The following MBNL1 variants were observed in gnomAD, a reference collection of about 807,000 sequenced individuals.
MBNL1 encodes the protein muscleblind-like protein 1.
A neutral mutation model predicts 42.2 loss-of-function variants in MBNL1; 8 were observed. That is an observed-to-expected ratio of 0.19 (90% confidence interval 0.11 to 0.34). The LOEUF (loss-of-function observed/expected upper bound fraction) is 0.34. Among genes scored for constraint, MBNL1 ranks in the 10% least tolerant of loss-of-function variants. MBNL1 has a pLI of 1.00. For missense variants in MBNL1, 309 were observed against 495.3 expected (o/e 0.62, Z 3.57); for synonymous variants, 169 against 173.9 (o/e 0.97, Z 0.22).
chr3:152,412,365 G>T (rs2098601398), intron 2 of MBNL1, among the ~76,000 whole-genome samples: 1 of 152,072 alleles, frequency 6.6e-6, no homozygotes, highest in Admixed American at 6.5e-5. Context: ...CACCTGGAAT[G>T]CTTGTTAAAA....
chr3:152,354,520 T>G (rs2095362669), intron 2 of MBNL1, among the ~76,000 whole-genome samples: 2 of 152,122 alleles, frequency 1.3e-5, no homozygotes, highest in African/African-American at 2.4e-5. Flanking sequence ...TACAAAAGAT[T>G]TTTACTGCTT....
At chr3:152,338,872 A>G (rs1476322821) in intron 2 of MBNL1, among the ~76,000 whole-genome samples, 3 of 152,130 alleles carry the variant, frequency 2.0e-5, no homozygotes, top group African/African-American at 4.8e-5. Context: ...AGTTTTATTT[A>G]TATTAAATTT....
intron 2 of MBNL1, among the ~76,000 whole-genome samples, chr3:152,318,607 A>T (rs2073934875): frequency 6.6e-6 from 1 of 152,192 alleles, no homozygotes; most frequent in Non-Finnish European, 1.5e-5. Context: ...GGGTTTACAG[A>T]TTCTCTTCTA....
chr3:152,404,507 C>T (rs1346459898), intron 2 of MBNL1, among the ~76,000 whole-genome samples: 4 of 151,944 alleles, frequency 2.6e-5, no homozygotes, highest in African/African-American at 9.7e-5. Flanking sequence ...ACAACAAATG[C>T]CTCATATAAA....
chr3:152,355,160 C>A (rs886708658), intron 2 of MBNL1, among the ~76,000 whole-genome samples: 5 of 152,002 alleles, frequency 3.3e-5, no homozygotes, highest in African/African-American at 4.8e-5. Context: ...AGTCTCTGCC[C>A]AAATGCCTGA....
rs76835109 is a variant in MBNL1 at position 152,461,950 on chromosome 3, C to T, written c.*19-435C>T. 3.1e-3 allele frequency among the ~76,000 whole-genome samples: 470 copies of T among 151,704 alleles called. 12 individuals are homozygous for T. Among genetic ancestry groups the T allele is most frequent in the East Asian group, 0.023 (119 of 5,166 alleles). ...AACATGCATTATGCTAATCAAGCAC[C>T]CAAAAAGAATAAATCTTGTTTAATA... On this transcript the variant is annotated intron_variant, in intron 9 of 9. Transcript: ENST00000324210.
Position 152,455,558 on chromosome 3 carries a change from G to T in MBNL1, c.978G>T (p.Met326Ile). The T allele has an allele frequency of 6.2e-7, 1 of 1,613,620 alleles. No homozygotes were observed. The highest frequency in any genetic ancestry group is 8.5e-7 in the Non-Finnish European group (1 of 1,179,682). Residue 326 changes from methionine to isoleucine, a missense_variant, in exon 7 of 10, where the codon ATG becomes ATT. Met to Ile is a conservative substitution (Grantham distance 10). Transcript: ENST00000324210. ...GATGGGCAGGCTCAATATTGTGCAT[G>T]ACACCCGCTACAAGTGTTGGTAGGT... ...AFLPPGSILCMTPATSVVPMV... is the reference protein window; with the variant it reads ...AFLPPGSILCITPATSVVPMV...
intron 2 of MBNL1, among the ~76,000 whole-genome samples, chr3:152,393,452 A>G (rs188766124): frequency 5.6e-4 from 86 of 152,336 alleles, no homozygotes; most frequent in African/African-American, 2.0e-3. Flanking sequence ...CAAAGAGCTA[A>G]AAGTCTCTGG....
At chr3:152,450,021 C>T (rs1474854018) in intron 6 of MBNL1, among the ~76,000 whole-genome samples, 2 of 147,672 alleles carry the variant, frequency 1.4e-5, no homozygotes. Flanking sequence ...AGGAGAATCC[C>T]TTGAACCTGG....
At chr3:152,439,359 G>A (rs2099117873) in intron 4 of MBNL1, among the ~76,000 whole-genome samples, 1 of 152,050 alleles carries the variant, frequency 6.6e-6, no homozygotes, top group South Asian at 2.1e-4. Context: ...TAACATGATG[G>A]GATAAAAGAC....
At chr3:152,341,753 A>G (rs2093285831) in intron 2 of MBNL1, among the ~76,000 whole-genome samples, 1 of 152,230 alleles carries the variant, frequency 6.6e-6, no homozygotes, top group Non-Finnish European at 1.5e-5. Context: ...ATATCCATGT[A>G]GAAAATAAAT....
At chr3:152,450,186 T>C (rs944461723) in intron 6 of MBNL1, among the ~76,000 whole-genome samples, 1 of 150,700 alleles carries the variant, frequency 6.6e-6, no homozygotes, top group Non-Finnish European at 1.5e-5. Flanking sequence ...ATAATCAATA[T>C]AGTGTGAAAT....
chr3:152,286,960 C>G (rs2150746617), intron 1 of MBNL1, among the ~76,000 whole-genome samples: 1 of 152,202 alleles, frequency 6.6e-6, no homozygotes, highest in South Asian at 2.1e-4. Flanking sequence ...TGGCTCATGC[C>G]TGTAATCCCA....
At chr3:152,307,575 C>G (rs1385711838) in intron 2 of MBNL1, among the ~76,000 whole-genome samples, 1 of 152,066 alleles carries the variant, frequency 6.6e-6, no homozygotes, top group Non-Finnish European at 1.5e-5. Context: ...GAGATAGTTA[C>G]TGGTGTTACT....
chr3:152,424,012 C>G (rs921880994), intron 3 of MBNL1, among the ~76,000 whole-genome samples: 1 of 151,754 alleles, frequency 6.6e-6, no homozygotes, highest in Non-Finnish European at 1.5e-5. Context: ...CCTTTGAAAA[C>G]TGGCACAAGA....
At chr3:152,327,519 T>C (rs1012893728) in intron 2 of MBNL1, among the ~76,000 whole-genome samples, 3 of 152,024 alleles carry the variant, frequency 2.0e-5, no homozygotes, top group South Asian at 2.1e-4. Flanking sequence ...AGCTAATTTT[T>C]GTATTTTTGG....
intron 2 of MBNL1, among the ~76,000 whole-genome samples, chr3:152,331,981 C>T (rs867810453): frequency 9.9e-5 from 15 of 152,106 alleles, no homozygotes; most frequent in East Asian, 5.8e-4. Context: ...TGTGAGCCAC[C>T]GCTCCCGGCC....
chr3:152,387,256 T>C (rs1296068830), intron 2 of MBNL1, among the ~76,000 whole-genome samples: 3 of 151,832 alleles, frequency 2.0e-5, no homozygotes, highest in African/African-American at 7.2e-5. Context: ...TTTTTTTTTT[T>C]TTGGTCTTTG....
At chr3:152,269,248 T>G (rs2038574663) in intron 1 of MBNL1, 156 bp downstream of exon 1, 5 of 339,976 alleles carry the variant, frequency 1.5e-5, no homozygotes, top group African/African-American at 6.6e-5. Context: ...TTCGCGTCCC[T>G]CAGCACCTCC....
Sources: allele counts gnomAD v4.1 joint callset (sites outside exome capture counted in the v4.1 genomes callset), GRCh38; gene constraint gnomAD v4.1.1; transcripts MANE v1.5; gene names NCBI Gene and HGNC (gene_info 2026-07-23, HGNC 2026-07-21).